MAGI2: variants seen among roughly 807,000 people sequenced by gnomAD.
The protein encoded by MAGI2 is membrane-associated guanylate kinase, WW and PDZ domain-containing protein 2.
In MAGI2, 35 loss-of-function variants were observed where a neutral mutation model predicts 133.3. The observed-to-expected ratio is 0.26, with a 90% confidence interval of 0.20 to 0.35. The LOEUF (loss-of-function observed/expected upper bound fraction) is 0.35, where lower values mean the gene tolerates loss of function less well. MAGI2 is among the 10% of genes least tolerant of loss of function. The pLI, the probability that MAGI2 is intolerant of heterozygous loss-of-function variation, is 1.00. For synonymous variants in MAGI2, 729 were observed against 710.6 expected (o/e 1.03, Z -0.41); for missense variants, 1,636 against 1,863.4 (o/e 0.88, Z 2.25).
intron 9 of MAGI2, among the ~76,000 whole-genome samples, chr7:78,260,168 T>G (rs1327449657): frequency 6.6e-6 from 1 of 152,148 alleles, no homozygotes; most frequent in Non-Finnish European, 1.5e-5. Context: ...TGCCCAAAAC[T>G]CTTATAGACG....
chr7:79,123,415 T>C (rs1349987287), intron 1 of MAGI2, among the ~76,000 whole-genome samples: 1 of 152,208 alleles, frequency 6.6e-6, no homozygotes, highest in Non-Finnish European at 1.5e-5. Flanking sequence ...AAACCATTTT[T>C]ACTTCTCTAT....
At chr7:78,383,886 T>A (rs1795145301) in intron 6 of MAGI2, among the ~76,000 whole-genome samples, 1 of 152,120 alleles carries the variant, frequency 6.6e-6, no homozygotes, top group Non-Finnish European at 1.5e-5. Context: ...TTGGCTTTGT[T>A]GAATATCAGC....
chr7:78,342,608 A>G (rs1294842794), intron 9 of MAGI2, among the ~76,000 whole-genome samples: 1 of 152,238 alleles, frequency 6.6e-6, no homozygotes, highest in Non-Finnish European at 1.5e-5. Context: ...GCACATATAC[A>G]CCATGGAATA....
intron 20 of MAGI2, among the ~76,000 whole-genome samples, chr7:78,091,688 C>T (rs1170450613): frequency 6.6e-6 from 1 of 152,170 alleles, no homozygotes; most frequent in Non-Finnish European, 1.5e-5. Context: ...AATTCCAACA[C>T]CCAGAGCTCC....
rs537212732 is a variant in MAGI2 at position 78,801,663 on chromosome 7, G to C, written c.419-174424C>G. On this transcript the variant is annotated intron_variant, in intron 2 of 21. Transcript: ENST00000354212. The stretch of plus-strand genomic sequence containing the variant: ...ATTTCACTTAAAAATTGTAAAATTA[G>C]TTTGCCTTCCAACATTTCATGTAAG... 6.6e-5 allele frequency among the ~76,000 whole-genome samples: 10 copies of C among 152,182 alleles called. No individual in the cohort carries two copies. The South Asian group carries it at 1.7e-3, about 25-fold the overall frequency.
intron 2 of MAGI2, among the ~76,000 whole-genome samples, chr7:78,820,490 A>G (rs988809074): frequency 6.6e-6 from 1 of 151,946 alleles, no homozygotes; most frequent in African/African-American, 2.4e-5. Context: ...GAAAGTCTCT[A>G]TGTTATTGTA....
chr7:78,120,766 C>A (rs1820365319), intron 20 of MAGI2, among the ~76,000 whole-genome samples: 1 of 151,674 alleles, frequency 6.6e-6, no homozygotes, highest in Non-Finnish European at 1.5e-5. Flanking sequence ...CTTTGGGAGG[C>A]CGAGGCGGGC....
intron 14 of MAGI2, among the ~76,000 whole-genome samples, chr7:78,168,864 A>G (rs192717914): frequency 4.6e-5 from 7 of 152,358 alleles, no homozygotes; most frequent in Admixed American, 3.9e-4. Flanking sequence ...AACAAAACAA[A>G]GCAAACTCAT....
At chr7:78,575,174 C>T (rs1563192053) in intron 3 of MAGI2, among the ~76,000 whole-genome samples, 1 of 152,050 alleles carries the variant, frequency 6.6e-6, no homozygotes, top group Non-Finnish European at 1.5e-5. Flanking sequence ...AAAAAAATCT[C>T]ACAAAATAAT....
chr7:78,523,859 A>AG (rs1232490713), intron 3 of MAGI2, among the ~76,000 whole-genome samples: 1 of 152,158 alleles, frequency 6.6e-6, no homozygotes, highest in Non-Finnish European at 1.5e-5. Context: ...AGCCATATCA[A>AG]GGGGAAAGGC....
At chr7:78,305,785 T>C (rs951536616) in intron 9 of MAGI2, among the ~76,000 whole-genome samples, 3 of 152,188 alleles carry the variant, frequency 2.0e-5, no homozygotes, top group African/African-American at 7.2e-5. Context: ...CATACCTGAT[T>C]GGTAATATAG....
intron 12 of MAGI2, among the ~76,000 whole-genome samples, chr7:78,188,249 A>G (rs1039656295): frequency 6.6e-6 from 1 of 152,224 alleles, no homozygotes; most frequent in African/African-American, 2.4e-5. Flanking sequence ...TTTTAAAATT[A>G]GATTTCCAAA....
At chr7:78,862,910 G>A (rs1017271109) in intron 2 of MAGI2, among the ~76,000 whole-genome samples, 3 of 152,134 alleles carry the variant, frequency 2.0e-5, no homozygotes, top group Non-Finnish European at 4.4e-5. Flanking sequence ...AGACAGAAAG[G>A]CAAAGTTAGA....
intron 4 of MAGI2, among the ~76,000 whole-genome samples, chr7:78,512,934 G>C (rs1270160260): frequency 2.6e-5 from 4 of 152,084 alleles, no homozygotes; most frequent in Non-Finnish European, 5.9e-5. Context: ...ATTAGTAGAG[G>C]AAATTATTTT....
chr7:78,556,208 G>A (rs1031557920), intron 3 of MAGI2, among the ~76,000 whole-genome samples: 1 of 152,142 alleles, frequency 6.6e-6, no homozygotes, highest in Non-Finnish European at 1.5e-5. Context: ...TGGATAAATC[G>A]AATCTCAGTG....
intron 2 of MAGI2, among the ~76,000 whole-genome samples, chr7:78,843,050 G>T (rs1205781678): frequency 1.3e-5 from 2 of 151,846 alleles, no homozygotes; most frequent in South Asian, 2.1e-4. Context: ...TAGGCAATTT[G>T]TATCAGGATT....
At chr7:78,281,884 CAAA>C (rs60871451) in intron 9 of MAGI2, among the ~76,000 whole-genome samples, 1 of 139,690 alleles carries the variant, frequency 7.2e-6, no homozygotes. Context: ...AACTCCATCT[CAAA>C]AAAAAAAAAA....
At chr7:79,293,533 A>G (rs1458756175) in intron 1 of MAGI2, among the ~76,000 whole-genome samples, 2 of 152,248 alleles carry the variant, frequency 1.3e-5, no homozygotes, top group Admixed American at 6.5e-5. Context: ...AATAATAGTG[A>G]TAAGTATAAC....
intron 6 of MAGI2, among the ~76,000 whole-genome samples, chr7:78,382,945 T>G (rs1795059612): frequency 6.6e-6 from 1 of 152,162 alleles, no homozygotes; most frequent in African/African-American, 2.4e-5. Flanking sequence ...GATTTGACTT[T>G]TTTATTTATG....
Sources: gnomAD v4.1 joint callset for allele counts (sites outside exome capture counted in the v4.1 genomes callset) on GRCh38, gnomAD v4.1.1 for gene constraint, MANE v1.5 for transcripts, NCBI Gene and HGNC (gene_info 2026-07-23, HGNC 2026-07-21) for gene names.